TTC21B: variants seen among roughly 807,000 people sequenced by gnomAD.
The protein encoded by TTC21B is tetratricopeptide repeat domain 21B.
In TTC21B, 127 loss-of-function variants were observed where a neutral mutation model predicts 175.1. The observed-to-expected ratio is 0.73, with a 90% confidence interval of 0.63 to 0.84. TTC21B has a LOEUF of 0.84. Ranked by LOEUF, TTC21B falls within the 40% of genes least tolerant of loss-of-function variation. The pLI, the probability that TTC21B is intolerant of heterozygous loss-of-function variation, is 0.00. For missense variants in TTC21B, 1,561 were observed against 1,558.3 expected (o/e 1.00, Z -0.03); for synonymous variants, 524 against 524.5 (o/e 1.00, Z 0.01).
In TTC21B at chr2:165,922,566, C is replaced by CAAAAAAAAAAAAAAA. The variant is rs71031215; in HGVS notation, c.1516+1968_1516+1982dup. Among the ~76,000 whole-genome samples, 6 of 97,394 alleles carry CAAAAAAAAAAAAAAA rather than the reference C, an allele frequency of 6.2e-5. 1 individual carries two copies. The highest frequency in any genetic ancestry group is 2.9e-4 in the East Asian group (1 of 3,448). The allele number at this position is 97,394 out of a possible 152,430, so 63.9% of individuals were successfully genotyped here. The stretch of plus-strand genomic sequence containing the variant: ...GCCGGAATAGCCACTATTAAAAAGT[C>CAAAAAAAAAAAAAAA]AAAAAAAAAAAAAAAAAAAAGACGT... On this transcript the variant is annotated intron_variant, in intron 12 of 28. Coordinates refer to ENST00000243344, the MANE Select transcript of TTC21B (RefSeq NM_024753.5).
At position 165,888,405 on chromosome 2, in the gene TTC21B, T is replaced by C; in HGVS notation, c.3333A>G (p.Leu1111=). The C allele has an allele frequency of 6.2e-7, 1 of 1,613,982 alleles. No individual in the cohort carries two copies. The highest frequency in any genetic ancestry group is 1.3e-5 in the African/African-American group (1 of 75,046). ...CGTGACCCTGAACAGTCTGAGGTTTTAGTTCCTTAAGAAGTTTTTCTGCTG... is the reference window on the plus strand; with the variant it reads ...CGTGACCCTGAACAGTCTGAGGTTTCAGTTCCTTAAGAAGTTTTTCTGCTG... ...VRTAEKLLKE[L]KPQTVQGHVQ... The change falls in exon 25 of 29, where the codon CTA becomes CTG. Residue 1111 remains leucine (L), a synonymous_variant. Transcript: ENST00000243344.
At chr2:165,897,521 G>A (rs1685411871) in intron 22 of TTC21B, among the ~76,000 whole-genome samples, 1 of 152,156 alleles carries the variant, frequency 6.6e-6, no homozygotes, top group African/African-American at 2.4e-5. Flanking sequence ...TTAGAGGCGA[G>A]GGAAAGTTCA....
At chr2:165,922,891 A>G (rs182857079) in intron 12 of TTC21B, among the ~76,000 whole-genome samples, 10 of 152,346 alleles carry the variant, frequency 6.6e-5, no homozygotes, top group Admixed American at 2.6e-4. Flanking sequence ...TACACCACAG[A>G]ACACTACTCA....
Position 165,929,232 on chromosome 2 carries a change from A to G in TTC21B, c.1289T>C (p.Leu430Ser), listed in dbSNP as rs1387884721. Reference sequence around the variant, plus strand: ...CTGTATGCCAAGAGGCAAACCTTCTAATTGTGAAAAGTGAGTGTCCAGGAC... The same window carrying G: ...CTGTATGCCAAGAGGCAAACCTTCTGATTGTGAAAAGTGAGTGTCCAGGAC... ...NDVLDTHFSQ[L>S]EGLPLGIQYF... Residue 430 changes from leucine to serine, a missense_variant, in exon 11 of 29, where the codon TTA (leucine) becomes TCA (serine). Transcript: ENST00000243344. 2 of 1,613,056 alleles carry G rather than the reference A, an allele frequency of 1.2e-6. No individual in the cohort carries two copies. The highest frequency in any genetic ancestry group is 1.7e-6 in the Non-Finnish European group (2 of 1,179,332).
At chr2:165,952,548 C>T (rs1687790334) in intron 1 of TTC21B, among the ~76,000 whole-genome samples, 1 of 152,102 alleles carries the variant, frequency 6.6e-6, no homozygotes, top group Non-Finnish European at 1.5e-5. Flanking sequence ...GGACTTGAAC[C>T]TCAAGTCTAA....
At chr2:165,887,598 A>C in intron 25 of TTC21B, among the ~76,000 whole-genome samples, 1 of 151,962 alleles carries the variant, frequency 6.6e-6, no homozygotes, top group Non-Finnish European at 1.5e-5. Flanking sequence ...GAGGCAGGAG[A>C]ATTGCCCGAA....
At chr2:165,909,315 C>T (rs1441825496) in intron 18 of TTC21B, among the ~76,000 whole-genome samples, 1 of 151,712 alleles carries the variant, frequency 6.6e-6, no homozygotes, top group East Asian at 1.9e-4. Context: ...AGTTTCATAA[C>T]GTTAGGATTA....
intron 17 of TTC21B, among the ~76,000 whole-genome samples, chr2:165,911,967 CAACT>C (rs1229844254): frequency 6.6e-6 from 1 of 151,992 alleles, no homozygotes; most frequent in Non-Finnish European, 1.5e-5. Flanking sequence ...ACCTGGCCAA[CAACT>C]AACATTTCTT....
intron 4 of TTC21B, among the ~76,000 whole-genome samples, chr2:165,945,083 G>C (rs150896386): frequency 1.8e-3 from 272 of 152,268 alleles, no homozygotes; most frequent in African/African-American, 6.4e-3. Context: ...CACAATATTA[G>C]CTGGGGATGT....
intron 26 of TTC21B, 146 bp from the exon 27 acceptor site, chr2:165,880,945 T>C (rs566992130): frequency 5.1e-6 from 4 of 790,684 alleles, no homozygotes; most frequent in African/African-American, 3.5e-5. Flanking sequence ...GCAATCAAAT[T>C]TTTTACTGAA....
rs1262474452 is a variant in TTC21B at position 165,945,689 on chromosome 2, A to G, written c.264T>C (p.Asp88=). 2 of 1,612,522 alleles carry G rather than the reference A, an allele frequency of 1.2e-6. No homozygotes were observed. Among genetic ancestry groups the G allele is most frequent in the East Asian group, 2.2e-5 (1 of 44,792 alleles). The change falls in exon 4 of 29, where the codon GAT becomes GAC. Residue 88 remains aspartate, a splice_region_variant and synonymous_variant. Transcript: ENST00000243344. ...CATCTGATTCCAGAATAGCTTCTCT[A>G]TCTGGTAGGGGAAAATGATATTAAA... ...IYAHKMSPNP[D]REAILESDAR... is the part of the protein sequence containing the mutation.
At chr2:165,923,943 A>C (rs1245960599) in intron 12 of TTC21B, among the ~76,000 whole-genome samples, 1 of 151,184 alleles carries the variant, frequency 6.6e-6, no homozygotes, top group Admixed American at 6.6e-5. Context: ...TGTAGAGATG[A>C]GGTTTCTCCA....
Position 165,880,680 on chromosome 2 carries a change from T to C in TTC21B, c.3804A>G (p.Val1268=), listed in dbSNP as rs1684806310. ...AATCTAGGTGATTGCCAAACTCACC[T>C]ACTGCCGGATTTGTCCGATTGCTAT... is the stretch of plus-strand genomic sequence containing the variant. ...WKYSNRTNPA[V]GYKLAFNYLK... The change falls in exon 27 of 29, where the codon GTA becomes GTG. Residue 1268 remains valine (V), a splice_region_variant and synonymous_variant. Coordinates refer to ENST00000243344, the MANE Select transcript of TTC21B (RefSeq NM_024753.5). The C allele has an allele frequency of 1.9e-6, 3 of 1,613,582 alleles. No homozygotes were observed. Among genetic ancestry groups the C allele is most frequent in the Non-Finnish European group, 1.7e-6 (2 of 1,179,754 alleles).
intron 25 of TTC21B, among the ~76,000 whole-genome samples, chr2:165,887,454 C>T (rs182378819): frequency 6.6e-6 from 1 of 152,020 alleles, no homozygotes; most frequent in East Asian, 1.9e-4. Context: ...TGGAGGAGGC[C>T]GAGATAGGCG....
At chr2:165,889,007 C>G (rs1214161288) in intron 24 of TTC21B, among the ~76,000 whole-genome samples, 1 of 151,852 alleles carries the variant, frequency 6.6e-6, no homozygotes, top group Non-Finnish European at 1.5e-5. Flanking sequence ...AAAATCTACT[C>G]TGTTCTCTTC....
intron 3 of TTC21B, chr2:165,948,794 A>G (rs1411882789): frequency 1.3e-5 from 2 of 152,476 alleles, no homozygotes; most frequent in Non-Finnish European, 2.9e-5. Context: ...GGCTCAAGTA[A>G]TCCTTCACCT....
In TTC21B at chr2:165,938,801, C is replaced by T. The variant is rs142572925; in HGVS notation, c.710+2226G>A. ...AAGAGTGAGAAAGAACTCACAGAGA[C>T]AGGGAGACAGCCTCGAGACTTTAAA... On this transcript the variant is annotated intron_variant, in intron 6 of 28. Transcript: ENST00000243344. 2.0e-4 allele frequency among the ~76,000 whole-genome samples: 31 copies of T among 152,084 alleles called. No homozygotes were observed. In the East Asian group the frequency reaches 4.8e-3, roughly 24 times the overall value.
In TTC21B at chr2:165,873,516, AG is replaced by A. The variant is rs1476424922; in HGVS notation, c.*1238del. 1 of 152,138 alleles carries A rather than the reference AG, an allele frequency of 6.6e-6. No homozygotes were observed. The highest frequency in any genetic ancestry group is 2.4e-5 in the African/African-American group (1 of 41,434). The allele number at this position is 152,138 out of a possible 1,614,324, so 9.4% of individuals were successfully genotyped here. A position where few individuals can be genotyped will look rare whatever the true frequency, so the allele number is the denominator to read the frequency against. Reference sequence around the variant, plus strand: ...GTTAAATTTAGTGTAAGAGAGTGAAAGCTTCTATGCCAGGGTGCTGTTAAAC... The same window carrying A: ...GTTAAATTTAGTGTAAGAGAGTGAAACTTCTATGCCAGGGTGCTGTTAAAC... On this transcript the variant is annotated 3_prime_UTR_variant, in exon 29 of 29. Coordinates refer to ENST00000243344, the MANE Select transcript of TTC21B (RefSeq NM_024753.5).
chr2:165,893,431 T>C (rs1685259786), intron 22 of TTC21B, among the ~76,000 whole-genome samples: 2 of 152,182 alleles, frequency 1.3e-5, no homozygotes, highest in Non-Finnish European at 2.9e-5. Context: ...ATATTTCTTA[T>C]ATACTATTGA....
Sources: allele counts gnomAD v4.1 joint callset (sites outside exome capture counted in the v4.1 genomes callset), GRCh38; gene constraint gnomAD v4.1.1; transcripts MANE v1.5; gene names NCBI Gene and HGNC (gene_info 2026-07-23, HGNC 2026-07-21).